Variants in SPATA31G1 observed in about 807,000 individuals in gnomAD.
SPATA31G1 encodes the protein SPATA31 subfamily G member 1.
the SPATA31G1 span, chr9:35,043,059 G>C: frequency 2.5e-6 from 4 of 1,614,140 alleles, no homozygotes; most frequent in South Asian, 4.4e-5. Flanking sequence ...CTGTGGTTCT[G>C]AGGGCCTCCT....
the SPATA31G1 span, chr9:35,044,754 G>A: frequency 3.7e-6 from 6 of 1,613,938 alleles, no homozygotes; most frequent in Non-Finnish European, 3.4e-6. Flanking sequence ...GTGGAGAAAT[G>A]TGCAACAAAG....
At chr9:35,042,742 C>T in the SPATA31G1 span, 2 of 1,362,790 alleles carry the variant, frequency 1.5e-6, no homozygotes, top group African/African-American at 1.4e-5. Context: ...ACTGGCCACA[C>T]ACGTGGGATT....
chr9:35,043,336 T>C, the SPATA31G1 span: 8 of 1,614,222 alleles, frequency 5.0e-6, no homozygotes, highest in South Asian at 8.8e-5. Flanking sequence ...CTTGCCTTCC[T>C]ACCTAGGTCC....
chr9:35,044,465 T>A, the SPATA31G1 span: 1 of 1,614,194 alleles, frequency 6.2e-7, no homozygotes, highest in Non-Finnish European at 8.5e-7. Context: ...AAGACCTGCA[T>A]GGAGCCAGCC....
the SPATA31G1 span, chr9:35,043,086 C>T: frequency 6.2e-7 from 1 of 1,614,206 alleles, no homozygotes; most frequent in Non-Finnish European, 8.5e-7. Context: ...TATAGGGATA[C>T]CAGAGCAAAC....
At chr9:35,045,355 C>A in the SPATA31G1 span, 1 of 1,614,060 alleles carries the variant, frequency 6.2e-7, no homozygotes, top group Non-Finnish European at 8.5e-7. Context: ...CACATGGAGG[C>A]TGGTGTGGAC....
chr9:35,042,730 T>A, the SPATA31G1 span: 2 of 1,282,104 alleles, frequency 1.6e-6, no homozygotes, highest in South Asian at 2.8e-5. Context: ...GCTGTGTAGG[T>A]GACTGGCCAC....
the SPATA31G1 span, chr9:35,045,600 A>G: frequency 1.9e-6 from 3 of 1,614,180 alleles, no homozygotes; most frequent in East Asian, 6.7e-5. Context: ...ATTTCCCCAA[A>G]GGTCTCAACA....
the SPATA31G1 span, chr9:35,044,693 C>T: frequency 6.2e-7 from 1 of 1,614,212 alleles, no homozygotes; most frequent in Admixed American, 1.7e-5. Context: ...TCCCAGCCCC[C>T]AGCTCACTCT....
the SPATA31G1 span, chr9:35,045,211 C>T: frequency 6.2e-7 from 1 of 1,614,188 alleles, no homozygotes. Flanking sequence ...GTCCAGTCCT[C>T]CCACTGTCAT....
At chr9:35,043,651 C>T in the SPATA31G1 span, 16 of 1,614,082 alleles carry the variant, frequency 9.9e-6, no homozygotes, top group Non-Finnish European at 1.4e-5. Context: ...CCTCCGATGC[C>T]ACCCCCCTGC....
At chr9:35,042,608 C>T in the SPATA31G1 span, 1 of 1,450,560 alleles carries the variant, frequency 6.9e-7, no homozygotes, top group South Asian at 1.3e-5. Context: ...GGTGAGTAAC[C>T]ACTGACACTA....
chr9:35,044,224 C>A, the SPATA31G1 span: 1 of 1,614,134 alleles, frequency 6.2e-7, no homozygotes, highest in Non-Finnish European at 8.5e-7. Flanking sequence ...AGAATCAATC[C>A]TGGGGAATGC....
chr9:35,044,432 G>T, the SPATA31G1 span: 1 of 1,614,112 alleles, frequency 6.2e-7, no homozygotes, highest in South Asian at 1.1e-5. Context: ...GGGCCTCTAA[G>T]CACCCAGCTT....
chr9:35,043,803 C>T, the SPATA31G1 span: 4 of 1,614,178 alleles, frequency 2.5e-6, no homozygotes, highest in Admixed American at 1.7e-5. Context: ...TTGCCCTCCC[C>T]TAGACTCCCT....
the SPATA31G1 span, chr9:35,042,376 A>C: frequency 1.2e-6 from 2 of 1,614,238 alleles, no homozygotes; most frequent in Admixed American, 1.7e-5. Flanking sequence ...AGTCCAGGAA[A>C]TCTGGTGACA....
the SPATA31G1 span, chr9:35,043,971 GCAT>G: frequency 6.2e-7 from 1 of 1,613,092 alleles, no homozygotes. Flanking sequence ...TGTCCCACCA[GCAT>G]CTGAGACACC....
At chr9:35,044,250 G>C in the SPATA31G1 span, 2 of 1,614,150 alleles carry the variant, frequency 1.2e-6, no homozygotes, top group East Asian at 4.5e-5. Context: ...TACATCAGAA[G>C]CTACATGGAA....
At chr9:35,045,119 ACAG>A in the SPATA31G1 span, 1 of 1,614,006 alleles carries the variant, frequency 6.2e-7, no homozygotes, top group Non-Finnish European at 8.5e-7. Flanking sequence ...CCTGCCCACC[ACAG>A]CAGATTTATC....
Sources: gnomAD v4.1 joint callset for allele counts on GRCh38, gnomAD v4.1.1 for gene constraint, MANE v1.5 for transcripts, NCBI Gene and HGNC (gene_info 2026-07-23, HGNC 2026-07-21) for gene names.